Variants in KCNH1 observed in about 807,000 individuals in gnomAD.
KCNH1 encodes the protein potassium voltage-gated channel subfamily H member 1, also known as voltage-gated delayed rectifier potassium channel KCNH1.
In KCNH1, 27 loss-of-function variants were observed where a neutral mutation model predicts 69.2. The ratio of observed to expected loss-of-function variants is 0.39; its 90% CI spans 0.29 to 0.54. The LOEUF is 0.54. KCNH1 is among the 20% of genes least tolerant of loss of function. The pLI is 0.68. For synonymous variants in KCNH1, 456 were observed against 487.7 expected (o/e 0.93, Z 0.86); for missense variants, 798 against 1,261.6 (o/e 0.63, Z 5.57).
intron 7 of KCNH1, among the ~76,000 whole-genome samples, chr1:210,892,683 T>C (rs1686774664): frequency 6.6e-6 from 1 of 151,984 alleles, no homozygotes; most frequent in Non-Finnish European, 1.5e-5. Context: ...CCCAAAAAAC[T>C]AAAGTTTGGA....
rs1214166457 is a variant in KCNH1 at position 211,133,429 on chromosome 1, C to G, written c.79+438G>C. 2 of 152,942 alleles carry G rather than the reference C, an allele frequency of 1.3e-5. No individual in the cohort carries two copies. Among genetic ancestry groups the G allele is most frequent in the South Asian group, 2.1e-4 (1 of 4,842 alleles). The allele number at this position is 152,942 out of a possible 1,614,324, so 9.5% of individuals were successfully genotyped here. On this transcript the variant is annotated intron_variant, in intron 1 of 10. Transcript: ENST00000271751. The surrounding 1 kb of genome is among the most constrained non-coding windows in gnomAD (Gnocchi z 5.4). ...GAGGCAGCGGGGACCTGGAGTTGCC[C>G]GTCTCTACTGCTGGCTCTCCCTGGG...
intron 10 of KCNH1, among the ~76,000 whole-genome samples, chr1:210,716,765 C>G (rs1682263528): frequency 6.6e-6 from 1 of 152,168 alleles, no homozygotes; most frequent in South Asian, 2.1e-4. Flanking sequence ...GAGGCTTGCT[C>G]TCTCTGTTCC....
intron 5 of KCNH1, among the ~76,000 whole-genome samples, chr1:211,024,729 G>A (rs984212635): frequency 1.3e-5 from 2 of 151,930 alleles, no homozygotes; most frequent in African/African-American, 4.8e-5. Flanking sequence ...TGAGATGATA[G>A]AGAAAAGCAG....
chr1:211,089,945 T>G (rs1207963393), intron 4 of KCNH1, among the ~76,000 whole-genome samples: 1 of 152,238 alleles, frequency 6.6e-6, no homozygotes, highest in Non-Finnish European at 1.5e-5. Context: ...TCTCCTTTCC[T>G]GGGTCCCCCA....
intron 6 of KCNH1, among the ~76,000 whole-genome samples, chr1:210,959,842 C>A (rs2102355156): frequency 6.6e-6 from 1 of 152,354 alleles, no homozygotes. Context: ...AAAGGGAAAT[C>A]CCCCGACCCT....
rs192453681 is a variant in KCNH1, at chr1:210,984,872, T to C, written c.1032+33911A>G. ...TCAGAAGGAATGGTACCAGCTCCTC[T>C]TTGTACCTCTGGTAGAATTCAGCTG... is the stretch of plus-strand genomic sequence containing the variant. On this transcript the variant is annotated intron_variant, in intron 6 of 10. Transcript: ENST00000271751. 2.9e-3 allele frequency among the ~76,000 whole-genome samples: 439 copies of C among 152,304 alleles called. 1 individual carries two copies. Among genetic ancestry groups the C allele is most frequent in the Middle Eastern group, 0.01 (3 of 294 alleles).
chr1:210,963,625 G>A (rs755369866), intron 6 of KCNH1, among the ~76,000 whole-genome samples: 21 of 151,796 alleles, frequency 1.4e-4, no homozygotes, highest in African/African-American at 4.6e-4. Context: ...AAAACACAGC[G>A]CAAGAACTTC....
At chr1:211,033,744 T>G (rs944814116) in intron 5 of KCNH1, among the ~76,000 whole-genome samples, 1 of 150,222 alleles carries the variant, frequency 6.7e-6, no homozygotes, top group African/African-American at 2.5e-5. Context: ...AAGGGGAACA[T>G]CACACACCGG....
chr1:210,839,276 G>A (rs1178687947), intron 7 of KCNH1, among the ~76,000 whole-genome samples: 1 of 152,176 alleles, frequency 6.6e-6, no homozygotes, highest in African/African-American at 2.4e-5. Context: ...GGATGGAGCT[G>A]GAAGTCATTA....
chr1:210,850,383 C>T (rs1685673642), intron 7 of KCNH1, among the ~76,000 whole-genome samples: 1 of 152,078 alleles, frequency 6.6e-6, no homozygotes, highest in East Asian at 1.9e-4. Flanking sequence ...TGGTGGCGCG[C>T]ACCTGTAGCT....
intron 7 of KCNH1, among the ~76,000 whole-genome samples, chr1:210,833,571 C>G (rs1285787252): frequency 6.6e-6 from 1 of 152,034 alleles, no homozygotes; most frequent in Non-Finnish European, 1.5e-5. Flanking sequence ...GACCTAAAAC[C>G]ATAAAAACCC....
At chr1:210,882,661 C>T (rs1258043676) in intron 7 of KCNH1, among the ~76,000 whole-genome samples, 3 of 152,068 alleles carry the variant, frequency 2.0e-5, no homozygotes, top group African/African-American at 7.2e-5. Context: ...TTTTGGTGTA[C>T]TTGTGAGCAG....
rs564723296 is a variant in KCNH1 at position 210,917,231 on chromosome 1, GAA to G, written c.1462+2407_1462+2408del. On this transcript the variant is annotated intron_variant, in intron 7 of 10. Transcript: ENST00000271751. ...ACAGAGAGAGAGAGAGAGAGAGAGA[GAA>G]AGAAAGAAAGAAAGAAAGAAAGAAA... 8.3e-3 allele frequency among the ~76,000 whole-genome samples: 699 copies of G among 83,800 alleles called. 4 individuals carry two copies. Among genetic ancestry groups the G allele is most frequent in the East Asian group, 0.038 (77 of 2,002 alleles). The allele number at this position is 83,800 out of a possible 152,430, so 55.0% of individuals were successfully genotyped here.
At chr1:210,740,704 AT>A (rs199727493) in intron 10 of KCNH1, among the ~76,000 whole-genome samples, 19,402 of 116,884 alleles carry the variant, frequency 0.17, 1,671 homozygotes, top group African/African-American at 0.23. Flanking sequence ...TTATGATTAA[AT>A]TTTTTTTTTT....
chr1:210,766,408 C>T (rs1683632889), intron 10 of KCNH1, among the ~76,000 whole-genome samples: 1 of 152,082 alleles, frequency 6.6e-6, no homozygotes, highest in Non-Finnish European at 1.5e-5. Context: ...GCCTGTAATT[C>T]CAGCTACTCA....
chr1:210,898,880 T>C (rs1336693518), intron 7 of KCNH1, among the ~76,000 whole-genome samples: 2 of 152,152 alleles, frequency 1.3e-5, no homozygotes, highest in Non-Finnish European at 2.9e-5. Flanking sequence ...ATAGAGAAGC[T>C]AAGCTGAAGA....
rs57735909 is a variant in KCNH1, at chr1:210,702,694, C to T, written c.2113-18556G>A. Among the ~76,000 whole-genome samples, 669 of 152,282 alleles carry T rather than the reference C, an allele frequency of 4.4e-3. 7 individuals carry two copies. Among genetic ancestry groups the T allele is most frequent in the African/African-American group, 0.015 (635 of 41,548 alleles). ...TCCCATATAAGGACTTTAAGCCAAC[C>T]CCCTGAATTTTAGGCTGCAGTTTAC... is the stretch of plus-strand genomic sequence containing the variant. On this transcript the variant is annotated intron_variant, in intron 10 of 10. Transcript: ENST00000271751.
intron 1 of KCNH1, among the ~76,000 whole-genome samples, chr1:211,118,744 G>A (rs1404626488): frequency 2.6e-5 from 4 of 152,140 alleles, no homozygotes; most frequent in Admixed American, 1.3e-4. Flanking sequence ...TGCCCATAAA[G>A]CATAACACAG....
At chr1:211,085,994 C>G (rs2102469520) in intron 4 of KCNH1, among the ~76,000 whole-genome samples, 1 of 152,212 alleles carries the variant, frequency 6.6e-6, no homozygotes. Context: ...TTGTATTGAA[C>G]CCCCACTTGC....
Sources: allele counts gnomAD v4.1 joint callset (sites outside exome capture counted in the v4.1 genomes callset), GRCh38; gene constraint gnomAD v4.1.1; non-coding constraint Gnocchi (gnomAD v3.1); transcripts MANE v1.5; gene names NCBI Gene and HGNC (gene_info 2026-07-23, HGNC 2026-07-21).